PSMD3: variants seen among roughly 807,000 people sequenced by gnomAD.
PSMD3 encodes 26S proteasome non-ATPase regulatory subunit 3.
Under a neutral mutation model 62.8 loss-of-function variants are expected in PSMD3, and 5 were observed. The ratio of observed to expected loss-of-function variants is 0.08; its 90% CI spans 0.04 to 0.17. The LOEUF (loss-of-function observed/expected upper bound fraction) is 0.17, where lower values mean the gene tolerates loss of function less well. Ranked by LOEUF, PSMD3 falls within the 10% of genes least tolerant of loss-of-function variation. The probability of loss-of-function intolerance (pLI) is 1.00; values close to 1 mark genes in which losing one functional copy is unlikely to be tolerated. For missense variants in PSMD3, 524 were observed against 713.6 expected (o/e 0.73, Z 3.03); for synonymous variants, 265 against 283.9 (o/e 0.93, Z 0.67).
At chr17:39,988,909 A>G in intron 4 of PSMD3, 90 bp downstream of exon 4, 1 of 1,505,286 alleles carries the variant, frequency 6.6e-7, no homozygotes, top group East Asian at 2.3e-5. Context: ...CAGAGGGCGA[A>G]GAACCTGTAG....
Position 39,984,318 on chromosome 17 carries a change from T to G in PSMD3, c.245T>G (p.Leu82Arg). 6.2e-7 allele frequency: 1 copy of G among 1,612,270 alleles called. No individual in the cohort carries two copies. Among genetic ancestry groups the G allele is most frequent in the South Asian group, 1.1e-5 (1 of 90,992 alleles). ...GACATCAAGGAGCACGTGAAACAGCTAGAGAAAGCGGTTTCAGGCAAGGAG... is the reference window on the plus strand; with the variant it reads ...GACATCAAGGAGCACGTGAAACAGCGAGAGAAAGCGGTTTCAGGCAAGGAG... ...LEDIKEHVKQLEKAVSGKEPR... is the reference protein window; with the variant it reads ...LEDIKEHVKQREKAVSGKEPR... Residue 82 changes from leucine to arginine, a missense_variant, in exon 2 of 12, where the codon CTA (leucine) becomes CGA (arginine). Coordinates refer to ENST00000264639, the MANE Select transcript of PSMD3 (RefSeq NM_002809.4).
intron 2 of PSMD3, 127 bp from the exon 3 acceptor site, chr17:39,986,448 A>C: frequency 8.6e-7 from 1 of 1,158,052 alleles, no homozygotes; most frequent in Non-Finnish European, 1.2e-6. Context: ...TATCCCTAGC[A>C]CCTAACAAAA....
At chr17:39,991,312 G>A (rs1263947443) in intron 6 of PSMD3, among the ~76,000 whole-genome samples, 1 of 151,914 alleles carries the variant, frequency 6.6e-6, no homozygotes, top group South Asian at 2.1e-4. Flanking sequence ...CTGCCACCAC[G>A]CCCAGCTAAT....
At chr17:39,983,790 T>C (rs1980445788) in intron 1 of PSMD3, among the ~76,000 whole-genome samples, 1 of 152,220 alleles carries the variant, frequency 6.6e-6, no homozygotes, top group Non-Finnish European at 1.5e-5. Flanking sequence ...CTGTATGTTT[T>C]TCTTGCCACT....
At chr17:39,991,072 G>A (rs1041748886) in intron 6 of PSMD3, among the ~76,000 whole-genome samples, 2 of 152,110 alleles carry the variant, frequency 1.3e-5, no homozygotes, top group African/African-American at 2.4e-5. Flanking sequence ...TCTGCCTCCC[G>A]AGTTCAAGTG....
chr17:39,985,813 T>C (rs904824569), intron 2 of PSMD3, among the ~76,000 whole-genome samples: 10 of 152,226 alleles, frequency 6.6e-5, no homozygotes, highest in East Asian at 1.9e-4. Flanking sequence ...TAGGAAAATA[T>C]GTTTTGTTTA....
intron 6 of PSMD3, 128 bp downstream of exon 6, chr17:39,990,325 A>T: frequency 1.3e-6 from 1 of 785,980 alleles, no homozygotes. Flanking sequence ...AGCTTCCCAA[A>T]GTGCTGGGAT....
chr17:39,987,308 T>C (rs1378323009), intron 3 of PSMD3, among the ~76,000 whole-genome samples: 1 of 152,176 alleles, frequency 6.6e-6, no homozygotes, highest in East Asian at 1.9e-4. Context: ...ACTCCTTAAT[T>C]CCCTGGTTTG....
At position 39,995,547 on chromosome 17, in the gene PSMD3, C is replaced by G. The variant is rs745410697; in HGVS notation, c.1320+20C>G. 21 of 1,591,428 alleles carry G rather than the reference C, an allele frequency of 1.3e-5. No homozygotes were observed. The highest frequency in any genetic ancestry group is 1.7e-5 in the Non-Finnish European group (20 of 1,159,554). ...GCCAAGGTGGGGCTGGTTCAGGAAC[C>G]ACAGTGACCAGGTTGTCACTTTCCT... On this transcript the variant is annotated intron_variant, in intron 9 of 11. Transcript: ENST00000264639. This position sits in a 1 kb window ranked among gnomAD's most constrained non-coding sequence, Gnocchi z 4.1.
chr17:39,985,060 TC>T (rs781011508), intron 2 of PSMD3, among the ~76,000 whole-genome samples: 8 of 152,102 alleles, frequency 5.3e-5, no homozygotes, highest in Non-Finnish European at 1.2e-4. Flanking sequence ...AGACCCTGTC[TC>T]TGCAAAAAGT....
Position 39,991,861 on chromosome 17 carries a change from G to C in PSMD3, c.981+1664G>C, listed in dbSNP as rs1478536484. The stretch of plus-strand genomic sequence containing the variant: ...AGCAACATATGGAGACACCGCCTCT[G>C]CAAAAATTAAAAACCTAGCTGGGCG... On this transcript the variant is annotated intron_variant, in intron 6 of 11. Coordinates refer to ENST00000264639, the MANE Select transcript of PSMD3 (RefSeq NM_002809.4). 2.0e-5 allele frequency among the ~76,000 whole-genome samples: 3 copies of C among 151,918 alleles called. No individual in the cohort carries two copies. In the East Asian group the frequency reaches 5.8e-4, roughly 29 times the overall value.
Position 39,981,116 on chromosome 17 carries a change from G to C in PSMD3, c.146G>C (p.Gly49Ala). 6.4e-7 allele frequency: 1 copy of C among 1,550,758 alleles called. No individual in the cohort carries two copies. The highest frequency in any genetic ancestry group is 1.2e-5 in the South Asian group (1 of 84,044). Residue 49 changes from glycine (G) to alanine (A), a missense_variant, in exon 1 of 12, where the codon GGG (glycine) becomes GCG (alanine). Transcript: ENST00000264639. The part of the protein sequence containing the change: ...EEAATGGGST[G>A]EADGKTAAAA... ...GCAGCGACGGGTGGCGGGTCGACGG[G>C]GGAGGCAGACGGCAAGACGGCGGCG...
At chr17:39,983,897 G>T (rs1287652314) in intron 1 of PSMD3, among the ~76,000 whole-genome samples, 1 of 152,162 alleles carries the variant, frequency 6.6e-6, no homozygotes, top group Non-Finnish European at 1.5e-5. Flanking sequence ...CTCTGTGAGA[G>T]GCTCCTTAGA....
At position 39,996,990 on chromosome 17, in the gene PSMD3, A is replaced by G. The variant is rs896019452; in HGVS notation, c.1477-340A>G. 6.6e-6 allele frequency among the ~76,000 whole-genome samples: 1 copy of G among 151,520 alleles called. No individual in the cohort carries two copies. The highest frequency in any genetic ancestry group is 2.4e-5 in the African/African-American group (1 of 41,178). On this transcript the variant is annotated intron_variant, in intron 10 of 11. Transcript: ENST00000264639. The surrounding 1 kb of genome is among the most constrained non-coding windows in gnomAD (Gnocchi z 5.1). Reference sequence around the variant, plus strand: ...AAGCCTCCCCTCCCACTCCTGCCCCACCACCCAGCAGCCAGCCCACTGGGT... The same window carrying G: ...AAGCCTCCCCTCCCACTCCTGCCCCGCCACCCAGCAGCCAGCCCACTGGGT...
rs757929319 is a variant in PSMD3, at chr17:39,990,097, G to A, written c.881G>A (p.Arg294Gln). 25 of 1,613,844 alleles carry A rather than the reference G, an allele frequency of 1.5e-5. 1 individual carries two copies. The East Asian group carries it at 1.8e-4, about 12-fold the overall frequency. Residue 294 changes from arginine (R) to glutamine (Q), a missense_variant, in exon 6 of 12, where the codon CGA becomes CAA. Coordinates refer to ENST00000264639, the MANE Select transcript of PSMD3 (RefSeq NM_002809.4). ...CTCTCCTCTCCTCCACTCCCAGGGCGAATCAAAGCCATCCAGCTGGAGTAC... is the reference window on the plus strand; with the variant it reads ...CTCTCCTCTCCTCCACTCCCAGGGCAAATCAAAGCCATCCAGCTGGAGTAC... ...EWARYLYYTG[R>Q]IKAIQLEYSE...
At position 39,997,324 on chromosome 17, in the gene PSMD3, C is replaced by T. The variant is rs1980808419; in HGVS notation, c.1477-6C>T. ...TCGCTCATCTCCTCTCTTTGCTGTG[C>T]CCCAGGCCATGAGGTTTCCTCCCAA... On this transcript the variant is annotated splice_polypyrimidine_tract_variant and splice_region_variant and intron_variant, in intron 10 of 11. Coordinates refer to ENST00000264639, the MANE Select transcript of PSMD3 (RefSeq NM_002809.4). 5 of 1,613,832 alleles carry T rather than the reference C, an allele frequency of 3.1e-6. No individual in the cohort carries two copies. Among genetic ancestry groups the T allele is most frequent in the Middle Eastern group, 1.6e-4 (1 of 6,082 alleles).
rs1383692537 is a variant in PSMD3, at chr17:39,984,479, G to A, written c.406G>A (p.Glu136Lys). The A allele has an allele frequency of 1.2e-6, 2 of 1,610,592 alleles. No individual in the cohort carries two copies. The highest frequency in any genetic ancestry group is 1.7e-6 in the Non-Finnish European group (2 of 1,178,008). The stretch of plus-strand genomic sequence containing the variant: ...TCGAGACTTTTTGCTCCCCTTCCTG[G>A]AAGAGGTGAGTGAGTCAGGCCAACT... ...ATRDFLLPFLEEPMDTEADLQ... is the reference protein window; with the variant it reads ...ATRDFLLPFLKEPMDTEADLQ... Residue 136 changes from glutamate (E) to lysine (K), a missense_variant, in exon 2 of 12, where the codon GAA becomes AAA. Glu to Lys is a moderately conservative substitution (Grantham distance 56, BLOSUM62 1). Transcript: ENST00000264639.
chr17:39,987,377 T>G (rs559627943), intron 3 of PSMD3, among the ~76,000 whole-genome samples: 1 of 152,194 alleles, frequency 6.6e-6, no homozygotes, highest in African/African-American at 2.4e-5. Context: ...TTTTTGAGAT[T>G]GGGTCTTGCT....
Position 39,996,908 on chromosome 17 carries a change from G to C in PSMD3, c.1477-422G>C. The C allele has an allele frequency of 2.4e-6, 1 of 409,098 alleles. No homozygotes were observed. The highest frequency in any genetic ancestry group is 1.9e-5 in the South Asian group (1 of 53,080). 25.3% of individuals were successfully genotyped at this position (409,098 alleles called of 1,614,324 possible). On this transcript the variant is annotated intron_variant, in intron 10 of 11. Transcript: ENST00000264639. This position sits in a 1 kb window ranked among gnomAD's most constrained non-coding sequence, Gnocchi z 5.1. The stretch of plus-strand genomic sequence containing the variant: ...GATATTGCTGCCTTGCTTAAAATCT[G>C]GCTAAGCCCTACTCCACGTGACATG...
Sources: allele counts gnomAD v4.1 joint callset (sites outside exome capture counted in the v4.1 genomes callset), GRCh38; gene constraint gnomAD v4.1.1; non-coding constraint Gnocchi (gnomAD v3.1); transcripts MANE v1.5; gene names NCBI Gene and HGNC (gene_info 2026-07-23, HGNC 2026-07-21).